Variants in SPMIP4 observed in about 807,000 individuals in gnomAD.
SPMIP4 encodes sperm microtubule inner protein 4.
chr7:25,178,793 C>T, the SPMIP4 span, among the ~76,000 whole-genome samples: 1 of 152,144 alleles, frequency 6.6e-6, no homozygotes, highest in South Asian at 2.1e-4. Context: ...AATCCCAGCA[C>T]TTTGGGAGGC....
chr7:25,158,040 TG>T, the SPMIP4 span, among the ~76,000 whole-genome samples: 1 of 152,216 alleles, frequency 6.6e-6, no homozygotes, highest in Non-Finnish European at 1.5e-5. Flanking sequence ...AATGTTACCC[TG>T]GACTTGTACC....
chr7:25,128,131 G>A, the SPMIP4 span, among the ~76,000 whole-genome samples: 4 of 152,244 alleles, frequency 2.6e-5, no homozygotes, highest in Admixed American at 2.6e-4. This position sits in a 1 kb window ranked among gnomAD's most constrained non-coding sequence, Gnocchi z 4.5. Context: ...TGCCTCCACT[G>A]TGACTGTGCT....
chr7:25,142,291 C>A, the SPMIP4 span: 1 of 1,613,412 alleles, frequency 6.2e-7, no homozygotes, highest in South Asian at 1.1e-5. Context: ...ACCATCTTTT[C>A]ATGGTAATCA....
At chr7:25,162,009 G>A in the SPMIP4 span, among the ~76,000 whole-genome samples, 1,386 of 151,988 alleles carry the variant, frequency 9.1e-3, 22 homozygotes, top group African/African-American at 0.032. Flanking sequence ...GGTGGCTCAC[G>A]CCTATAATCT....
the SPMIP4 span, among the ~76,000 whole-genome samples, chr7:25,172,833 G>C: frequency 2.6e-5 from 4 of 152,202 alleles, no homozygotes; most frequent in East Asian, 7.7e-4. The surrounding 1 kb of genome is among the most constrained non-coding windows in gnomAD (Gnocchi z 4.2). Context: ...TAGAATTCTA[G>C]AACTTGGGGC....
the SPMIP4 span, among the ~76,000 whole-genome samples, chr7:25,153,271 G>T: frequency 6.6e-6 from 1 of 152,128 alleles, no homozygotes; most frequent in Non-Finnish European, 1.5e-5. Context: ...GCACTGAAAA[G>T]TGTTTTTATG....
the SPMIP4 span, among the ~76,000 whole-genome samples, chr7:25,158,120 T>A: frequency 4.6e-5 from 7 of 152,242 alleles, no homozygotes; most frequent in Middle Eastern, 3.4e-3. Context: ...TGTGATCCAG[T>A]ACTTTGGGAG....
chr7:25,169,101 C>A, the SPMIP4 span, among the ~76,000 whole-genome samples: 1 of 151,700 alleles, frequency 6.6e-6, no homozygotes, highest in East Asian at 1.9e-4. Context: ...TTAAAGTGTA[C>A]AATTCAGGCC....
chr7:25,133,624 CTAA>C, the SPMIP4 span, among the ~76,000 whole-genome samples: 5 of 152,246 alleles, frequency 3.3e-5, no homozygotes, highest in Non-Finnish European at 7.3e-5. Flanking sequence ...TCGGATGTGC[CTAA>C]TGTTTTAAAA....
chr7:25,154,708 G>C, the SPMIP4 span, among the ~76,000 whole-genome samples: 1 of 151,544 alleles, frequency 6.6e-6, no homozygotes, highest in East Asian at 1.9e-4. Context: ...GAGCAGGAAA[G>C]AAATAAAAAT....
At chr7:25,174,153 TA>T in the SPMIP4 span, among the ~76,000 whole-genome samples, 1 of 152,132 alleles carries the variant, frequency 6.6e-6, no homozygotes, top group African/African-American at 2.4e-5. This position sits in a 1 kb window ranked among gnomAD's most constrained non-coding sequence, Gnocchi z 4.5. Context: ...GGCTATGTTT[TA>T]ATAATTTTAA....
chr7:25,133,782 G>A, the SPMIP4 span, among the ~76,000 whole-genome samples: 2 of 152,114 alleles, frequency 1.3e-5, no homozygotes, highest in African/African-American at 4.8e-5. Context: ...GAGGAGGGAG[G>A]AAATTGCAAA....
the SPMIP4 span, among the ~76,000 whole-genome samples, chr7:25,178,308 C>A: frequency 2.6e-5 from 4 of 152,112 alleles, no homozygotes; most frequent in Non-Finnish European, 5.9e-5. Flanking sequence ...ACTTATATTC[C>A]TTTGATAGAA....
At chr7:25,157,349 A>C in the SPMIP4 span, among the ~76,000 whole-genome samples, 3 of 152,224 alleles carry the variant, frequency 2.0e-5, no homozygotes, top group Non-Finnish European at 4.4e-5. Context: ...CAGATGCCTT[A>C]AGTGTGGGCT....
the SPMIP4 span, among the ~76,000 whole-genome samples, chr7:25,131,908 C>G: frequency 2.0e-5 from 3 of 152,216 alleles, no homozygotes; most frequent in African/African-American, 7.2e-5. The surrounding 1 kb of genome is among the most constrained non-coding windows in gnomAD (Gnocchi z 4.2). Flanking sequence ...AGCTGACACC[C>G]TGCTGGATCC....
At chr7:25,156,369 G>C in the SPMIP4 span, among the ~76,000 whole-genome samples, 1 of 152,226 alleles carries the variant, frequency 6.6e-6, no homozygotes, top group Admixed American at 6.5e-5. Context: ...AAGCAGAAAG[G>C]TGAATCCAAG....
the SPMIP4 span, among the ~76,000 whole-genome samples, chr7:25,146,261 C>T: frequency 6.6e-6 from 1 of 152,040 alleles, no homozygotes; most frequent in Non-Finnish European, 1.5e-5. Flanking sequence ...GAAGAGGACG[C>T]CTGGTTGGAT....
chr7:25,160,474 T>C, the SPMIP4 span, among the ~76,000 whole-genome samples: 1 of 152,088 alleles, frequency 6.6e-6, no homozygotes, highest in Non-Finnish European at 1.5e-5. Context: ...AATTTTTATA[T>C]TTTTAGTAGA....
At chr7:25,179,315 T>C in the SPMIP4 span, 1 of 1,601,976 alleles carries the variant, frequency 6.2e-7, no homozygotes, top group South Asian at 1.1e-5. Flanking sequence ...CCATGCTTCT[T>C]GGCTAAAAAG....
Sources: allele counts gnomAD v4.1 joint callset (sites outside exome capture counted in the v4.1 genomes callset), GRCh38; gene constraint gnomAD v4.1.1; non-coding constraint Gnocchi (gnomAD v3.1); transcripts MANE v1.5; gene names NCBI Gene and HGNC (gene_info 2026-07-23, HGNC 2026-07-21).